The following VPS50 variants were observed in gnomAD, a reference collection of about 807,000 sequenced individuals.
VPS50 encodes VPS50 subunit of EARP/GARPII complex.
A neutral mutation model predicts 139.7 loss-of-function variants in VPS50; 70 were observed. That is an observed-to-expected ratio of 0.50 (90% CI 0.41 to 0.61). The LOEUF is 0.61. VPS50 is among the 20% of genes least tolerant of loss of function. The pLI is 0.00. For synonymous variants in VPS50, 365 were observed against 376.7 expected (o/e 0.97, Z 0.36); for missense variants, 921 against 1,133.7 (o/e 0.81, Z 2.69).
intron 12 of VPS50, among the ~76,000 whole-genome samples, chr7:93,279,669 T>C (rs1194253366): frequency 6.6e-6 from 1 of 152,180 alleles, no homozygotes; most frequent in East Asian, 1.9e-4. Flanking sequence ...CCTCAAAACA[T>C]GTGCAGGGTG....
intron 16 of VPS50, among the ~76,000 whole-genome samples, chr7:93,299,494 A>G (rs1450289961): frequency 1.3e-5 from 2 of 152,188 alleles, no homozygotes; most frequent in Non-Finnish European, 2.9e-5. Flanking sequence ...AGTTTGGTTC[A>G]TGGTCCTCTC....
intron 23 of VPS50, among the ~76,000 whole-genome samples, chr7:93,343,438 A>G (rs1203006180): frequency 1.3e-5 from 2 of 152,194 alleles, no homozygotes; most frequent in African/African-American, 4.8e-5. Context: ...AACTTCCCCA[A>G]TCTAGCAAGG....
At position 93,359,051 on chromosome 7, in the gene VPS50, G is replaced by A. The variant is rs1798782451; in HGVS notation, c.*615G>A. On this transcript the variant is annotated 3_prime_UTR_variant, in exon 28 of 28. Coordinates refer to ENST00000305866, the MANE Select transcript of VPS50 (RefSeq NM_017667.4). The stretch of plus-strand genomic sequence containing the variant: ...ATGTGAGACTACATTTTGATTTTTT[G>A]TGTGGCATGCAGATGTCATGAACTA... 1 of 152,046 alleles carries A rather than the reference G, an allele frequency of 6.6e-6. No individual in the cohort carries two copies. The allele number at this position is 152,046 out of a possible 1,614,324, so 9.4% of individuals were successfully genotyped here. A position where few individuals can be genotyped will look rare whatever the true frequency, so the allele number is the denominator to read the frequency against.
At chr7:93,342,432 G>A (rs1019974442) in intron 23 of VPS50, among the ~76,000 whole-genome samples, 2 of 152,212 alleles carry the variant, frequency 1.3e-5, no homozygotes, top group African/African-American at 2.4e-5. Flanking sequence ...GGCTTGCTTA[G>A]GTAAACAAAG....
At chr7:93,259,703 T>G in intron 9 of VPS50, 71 bp downstream of exon 9, 2 of 781,114 alleles carry the variant, frequency 2.6e-6, no homozygotes, top group Non-Finnish European at 4.5e-6. Context: ...GTAAAAATGT[T>G]AATAAACATT....
intron 20 of VPS50, among the ~76,000 whole-genome samples, chr7:93,320,038 C>A (rs1440753261): frequency 6.6e-6 from 1 of 151,972 alleles, no homozygotes; most frequent in African/African-American, 2.4e-5. Context: ...TTTTCACACT[C>A]TGAGTTTTCT....
intron 9 of VPS50, among the ~76,000 whole-genome samples, chr7:93,263,495 CTTGTTAATTT>C (rs1795749778): frequency 6.6e-6 from 1 of 152,042 alleles, no homozygotes; most frequent in African/African-American, 2.4e-5. Context: ...TACTTGTCTA[CTTGTTAATTT>C]TTTCTTGGCA....
At chr7:93,307,725 G>A (rs117483622) in intron 18 of VPS50, among the ~76,000 whole-genome samples, 390 of 152,012 alleles carry the variant, frequency 2.6e-3, no homozygotes, top group Non-Finnish European at 4.1e-3. Context: ...ATACCTTTCT[G>A]CATAGCATCA....
At chr7:93,353,573 A>G (rs1167213706) in intron 25 of VPS50, 67 bp from the exon 26 acceptor site, 1 of 1,524,832 alleles carries the variant, frequency 6.6e-7, no homozygotes, top group Non-Finnish European at 8.9e-7. Flanking sequence ...TATTTAAACA[A>G]TTTTTATGGG....
At chr7:93,233,213 G>A (rs1187753172) in intron 1 of VPS50, among the ~76,000 whole-genome samples, 1 of 152,112 alleles carries the variant, frequency 6.6e-6, no homozygotes, top group African/African-American at 2.4e-5. Flanking sequence ...TAATGCCTCA[G>A]CTTCATTTAA....
rs1214170387 is a variant in VPS50, at chr7:93,232,464, C to T, written c.-4C>T. ...AGGCAGGGTACCCTCCTCAGGATTT[C>T]GATATGCAAAAAATCAAATCTCTCA... On this transcript the variant is annotated 5_prime_UTR_variant, in exon 1 of 28. Transcript: ENST00000305866. The T allele has an allele frequency of 1.2e-6, 2 of 1,612,520 alleles. No homozygotes were observed. Among genetic ancestry groups the T allele is most frequent in the African/African-American group, 1.3e-5 (1 of 74,838 alleles).
intron 21 of VPS50, among the ~76,000 whole-genome samples, chr7:93,326,969 G>A (rs571569484): frequency 6.6e-6 from 1 of 152,192 alleles, no homozygotes; most frequent in South Asian, 2.1e-4. Context: ...ACAAAATGTT[G>A]CTACAGAATT....
chr7:93,251,274 C>T (rs1386966324), intron 2 of VPS50, among the ~76,000 whole-genome samples: 3 of 152,084 alleles, frequency 2.0e-5, no homozygotes, highest in Admixed American at 1.3e-4. Context: ...TTGGAAGCAA[C>T]CCAAATGCCC....
intron 9 of VPS50, 52 bp from the exon 10 acceptor site, chr7:93,271,168 C>A: frequency 6.5e-7 from 1 of 1,544,556 alleles, no homozygotes; most frequent in Non-Finnish European, 8.7e-7. Flanking sequence ...ATTTATTTAG[C>A]ACTTAGTTTG....
chr7:93,350,131 C>T, intron 25 of VPS50, 98 bp downstream of exon 25: 1 of 745,164 alleles, frequency 1.3e-6, no homozygotes, highest in East Asian at 2.8e-5. Context: ...ATAGTTATTA[C>T]CACATTTCTA....
Position 93,253,794 on chromosome 7 carries a change from C to G in VPS50, c.226-66C>G. On this transcript the variant is annotated intron_variant, in intron 3 of 27. Coordinates refer to ENST00000305866, the MANE Select transcript of VPS50 (RefSeq NM_017667.4). ...TTTGTAGTTCACTAGTCAGAAGGGT[C>G]CAGGTAAATGAAACCAAATTAAACA... is the stretch of plus-strand genomic sequence containing the variant. The G allele has an allele frequency of 4.6e-6, 4 of 871,094 alleles. No individual in the cohort carries two copies. In the South Asian group the frequency reaches 6.0e-5, roughly 13 times the overall value. The allele number at this position is 871,094 out of a possible 1,614,324, so 54.0% of individuals were successfully genotyped here.
At chr7:93,238,327 G>C (rs1485416902) in intron 1 of VPS50, among the ~76,000 whole-genome samples, 2 of 150,452 alleles carry the variant, frequency 1.3e-5, no homozygotes, top group African/African-American at 2.5e-5. Context: ...AGCATTCCTA[G>C]AAATTTTTTT....
intron 12 of VPS50, among the ~76,000 whole-genome samples, chr7:93,290,217 C>T (rs948659180): frequency 9.9e-5 from 15 of 151,996 alleles, no homozygotes; most frequent in South Asian, 4.1e-4. Flanking sequence ...ATGTCATTAG[C>T]GGATATAAAT....
intron 21 of VPS50, among the ~76,000 whole-genome samples, chr7:93,324,664 G>C (rs1378403339): frequency 6.6e-6 from 1 of 152,106 alleles, no homozygotes; most frequent in East Asian, 1.9e-4. Flanking sequence ...CAAACAGAGA[G>C]CCAAATCATG....
Sources: allele counts gnomAD v4.1 joint callset (sites outside exome capture counted in the v4.1 genomes callset), GRCh38; gene constraint gnomAD v4.1.1; transcripts MANE v1.5; gene names NCBI Gene and HGNC (gene_info 2026-07-23, HGNC 2026-07-21).